Variants in ROBO1 observed in about 807,000 individuals in gnomAD.
The protein encoded by ROBO1 is roundabout homolog 1.
A neutral mutation model predicts 195.9 loss-of-function variants in ROBO1; 149 were observed. That is an observed-to-expected ratio of 0.76 (90% CI 0.67 to 0.87). The LOEUF (loss-of-function observed/expected upper bound fraction) is 0.87. Among genes scored for constraint, ROBO1 ranks in the 40% least tolerant of loss-of-function variants. ROBO1 has a pLI of 0.00. For missense variants in ROBO1, 1,933 were observed against 2,068.3 expected (o/e 0.93, Z 1.27); for synonymous variants, 816 against 733.2 (o/e 1.11, Z -1.82).
chr3:79,057,789 T>A (rs1388292921), intron 3 of ROBO1, among the ~76,000 whole-genome samples: 1 of 152,084 alleles, frequency 6.6e-6, no homozygotes, highest in Non-Finnish European at 1.5e-5. Context: ...CTCCACTTAT[T>A]CGACCTCTCA....
chr3:79,760,680 T>A (rs1241131817), intron 1 of ROBO1, among the ~76,000 whole-genome samples: 1 of 150,990 alleles, frequency 6.6e-6, no homozygotes, highest in East Asian at 1.9e-4. Flanking sequence ...AAAGACAAAT[T>A]AAAACCATTC....
At chr3:79,658,404 A>T (rs1401722695) in intron 1 of ROBO1, among the ~76,000 whole-genome samples, 1 of 152,064 alleles carries the variant, frequency 6.6e-6, no homozygotes, top group East Asian at 1.9e-4. Context: ...GCTTCCAATC[A>T]CTTCAAGGGT....
chr3:79,015,243 CG>C (rs1312898540), intron 3 of ROBO1, among the ~76,000 whole-genome samples: 1 of 151,976 alleles, frequency 6.6e-6, no homozygotes, highest in Non-Finnish European at 1.5e-5. Flanking sequence ...CAGATCGTAT[CG>C]GAACTACACA....
intron 1 of ROBO1, among the ~76,000 whole-genome samples, chr3:79,735,122 T>C (rs1029431320): frequency 1.3e-5 from 2 of 152,246 alleles, no homozygotes; most frequent in Non-Finnish European, 2.9e-5. Flanking sequence ...CCATACCTTC[T>C]GCATCATCTG....
At chr3:79,717,885 G>C (rs1702552555) in intron 1 of ROBO1, among the ~76,000 whole-genome samples, 1 of 152,008 alleles carries the variant, frequency 6.6e-6, no homozygotes, top group Admixed American at 6.6e-5. Context: ...GATTAAGTGG[G>C]AAAGACGTGG....
chr3:79,178,962 T>G (rs2081299072), intron 2 of ROBO1, among the ~76,000 whole-genome samples: 1 of 152,166 alleles, frequency 6.6e-6, no homozygotes, highest in African/African-American at 2.4e-5. Flanking sequence ...TATTAGGACC[T>G]GAATTGGCTG....
chr3:79,397,828 CCT>C (rs1366500786), intron 2 of ROBO1, among the ~76,000 whole-genome samples: 1 of 152,164 alleles, frequency 6.6e-6, no homozygotes, highest in Non-Finnish European at 1.5e-5. Context: ...AGCTACTTAA[CCT>C]CTCTGTCTCT....
At chr3:79,594,133 T>C (rs1458029870) in intron 1 of ROBO1, among the ~76,000 whole-genome samples, 1 of 151,924 alleles carries the variant, frequency 6.6e-6, no homozygotes, top group Non-Finnish European at 1.5e-5. Flanking sequence ...AACAAGAAAG[T>C]CCCCTATTTT....
At chr3:79,018,990 C>G (rs1243628935) in intron 3 of ROBO1, 1 of 989,410 alleles carries the variant, frequency 1.0e-6, no homozygotes, top group Non-Finnish European at 1.2e-6. Flanking sequence ...GCAGCAGCTC[C>G]GGAGGAAGGG....
chr3:78,638,699 C>T (rs928935845), intron 22 of ROBO1, among the ~76,000 whole-genome samples: 3 of 151,728 alleles, frequency 2.0e-5, no homozygotes, highest in South Asian at 4.2e-4. Flanking sequence ...GCAAGACCTG[C>T]ATCTCTACAA....
chr3:78,730,575 A>C (rs2082263618), intron 5 of ROBO1, among the ~76,000 whole-genome samples: 1 of 152,130 alleles, frequency 6.6e-6, no homozygotes, highest in South Asian at 2.1e-4. Flanking sequence ...AATCCCAAAG[A>C]GTCAAAGGAG....
At chr3:79,199,537 G>A (rs892106600) in intron 2 of ROBO1, among the ~76,000 whole-genome samples, 5 of 151,516 alleles carry the variant, frequency 3.3e-5, no homozygotes, top group African/African-American at 1.2e-4. Context: ...ATTTATCTTC[G>A]TATGAGTGGC....
At chr3:79,097,838 T>C (rs1350768594) in intron 3 of ROBO1, among the ~76,000 whole-genome samples, 2 of 151,730 alleles carry the variant, frequency 1.3e-5, no homozygotes, top group Non-Finnish European at 3.0e-5. Context: ...TTAGAAGAGA[T>C]AAATTACCTA....
chr3:79,565,526 CT>C (rs1456444660), intron 2 of ROBO1, among the ~76,000 whole-genome samples: 1 of 151,988 alleles, frequency 6.6e-6, no homozygotes, highest in Non-Finnish European at 1.5e-5. Flanking sequence ...TTTGCCCAAA[CT>C]TGTTTCTTTC....
At chr3:79,053,253 C>T (rs2078737776) in intron 3 of ROBO1, among the ~76,000 whole-genome samples, 2 of 152,000 alleles carry the variant, frequency 1.3e-5, no homozygotes, top group African/African-American at 4.8e-5. Flanking sequence ...CTCTCCCACA[C>T]GGCCTTTGTT....
At chr3:79,572,843 C>T (rs12714481) in intron 2 of ROBO1, among the ~76,000 whole-genome samples, 32,894 of 151,910 alleles carry the variant, frequency 0.22, 3,803 homozygotes, top group African/African-American at 0.28. Flanking sequence ...CGGGAGGCCT[C>T]GTACGTTTTT....
At chr3:79,425,129 A>G (rs2038393936) in intron 2 of ROBO1, among the ~76,000 whole-genome samples, 1 of 152,158 alleles carries the variant, frequency 6.6e-6, no homozygotes, top group African/African-American at 2.4e-5. Context: ...TCCATCTTCA[A>G]TAAATGCATA....
chr3:79,689,879 A>T (rs1947248627), intron 1 of ROBO1, among the ~76,000 whole-genome samples: 1 of 152,104 alleles, frequency 6.6e-6, no homozygotes, highest in South Asian at 2.1e-4. Context: ...AAAATTTCAA[A>T]CCTAAAATCT....
intron 2 of ROBO1, among the ~76,000 whole-genome samples, chr3:79,352,619 G>A (rs766595208): frequency 3.3e-5 from 5 of 152,110 alleles, no homozygotes; most frequent in Admixed American, 6.6e-5. Flanking sequence ...TCACTACGAA[G>A]GAACTCCCTT....
Sources: gnomAD v4.1 joint callset for allele counts (sites outside exome capture counted in the v4.1 genomes callset) on GRCh38, gnomAD v4.1.1 for gene constraint, MANE v1.5 for transcripts, NCBI Gene and HGNC (gene_info 2026-07-23, HGNC 2026-07-21) for gene names.